The following SCTR variants were observed in gnomAD, a reference collection of about 807,000 sequenced individuals.
The protein encoded by SCTR is pancreatic secretin receptor.
In SCTR, 56 loss-of-function variants were observed where a neutral mutation model predicts 60.8. The ratio of observed to expected loss-of-function variants is 0.92; its 90% CI spans 0.74 to 1.15. The LOEUF is 1.15. SCTR is among the 50% of genes most tolerant of loss of function. SCTR has a pLI of 0.00. For synonymous variants in SCTR, 202 were observed against 217.0 expected (o/e 0.93, Z 0.61); for missense variants, 562 against 550.4 (o/e 1.02, Z -0.21).
intron 1 of SCTR, among the ~76,000 whole-genome samples, chr2:119,523,429 T>C (rs926996123): frequency 2.7e-5 from 4 of 147,282 alleles, no homozygotes; most frequent in East Asian, 2.0e-4. Context: ...TTATTATTAT[T>C]ATTATTATTA....
In SCTR at chr2:119,448,746, A is replaced by G. The variant is rs369727369; in HGVS notation, c.956T>C (p.Ile319Thr). Reference protein sequence around the residue: ...NFILFINILRILMRKLRTQET... With the variant: ...NFILFINILRTLMRKLRTQET... ...TTGGGTTCTAAGTTTTCTCATCAGG[A>G]TTCTTAGAATGTTTATGAAAAGGAT... Residue 319 changes from isoleucine (I) to threonine (T), a missense_variant, in exon 10 of 13, where the codon ATC (isoleucine) becomes ACC (threonine). Transcript: ENST00000019103. 5.6e-6 allele frequency: 9 copies of G among 1,601,796 alleles called. No homozygotes were observed. Among genetic ancestry groups the G allele is most frequent in the Non-Finnish European group, 7.7e-6 (9 of 1,168,964 alleles).
intron 7 of SCTR, among the ~76,000 whole-genome samples, chr2:119,455,749 A>T (rs547668467): frequency 2.0e-4 from 30 of 152,358 alleles, no homozygotes; most frequent in Admixed American, 1.8e-3. Context: ...ACAACATTAG[A>T]CTAAAGGGAG....
In SCTR at chr2:119,523,404, T is replaced by C. The variant is rs866662304; in HGVS notation, c.72+751A>G. On this transcript the variant is annotated intron_variant, in intron 1 of 12. Coordinates refer to ENST00000019103, the MANE Select transcript of SCTR (RefSeq NM_002980.3). ...ACCCATCCTGCCGCTATTATTATTA[T>C]TATTATTATTATTATTATTATTATT... 4.9e-3 allele frequency among the ~76,000 whole-genome samples: 706 copies of C among 143,960 alleles called. 3 individuals carry two copies. Among genetic ancestry groups the C allele is most frequent in the African/African-American group, 0.017 (655 of 39,354 alleles). The allele number at this position is 143,960 out of a possible 152,430, so 94.4% of individuals were successfully genotyped here. A position where few individuals can be genotyped will look rare whatever the true frequency, so the allele number is the denominator to read the frequency against.
At chr2:119,512,736 T>C (rs1370616720) in intron 1 of SCTR, among the ~76,000 whole-genome samples, 1 of 152,232 alleles carries the variant, frequency 6.6e-6, no homozygotes, top group Non-Finnish European at 1.5e-5. Flanking sequence ...TGACATTATC[T>C]GTAGAGTTTT....
chr2:119,520,928 C>T lies in SCTR; in HGVS notation c.72+3227G>A, dbSNP rs149564609. Among the ~76,000 whole-genome samples, 6 of 152,304 alleles carry T rather than the reference C, an allele frequency of 3.9e-5. No homozygotes were observed. In the East Asian group the frequency reaches 9.7e-4, roughly 25 times the overall value. ...TAAGGCAACGGTTCTCAAGCAGGGG[C>T]GATTTTGCCCTTCCTACCCCCAGAA... On this transcript the variant is annotated intron_variant, in intron 1 of 12. Coordinates refer to ENST00000019103, the MANE Select transcript of SCTR (RefSeq NM_002980.3).
At chr2:119,497,721 G>A (rs886334122) in intron 1 of SCTR, among the ~76,000 whole-genome samples, 2 of 152,078 alleles carry the variant, frequency 1.3e-5, no homozygotes, top group African/African-American at 4.8e-5. Context: ...AACAAAATAA[G>A]CTCCGTGGAT....
intron 7 of SCTR, among the ~76,000 whole-genome samples, chr2:119,459,680 C>T (rs1348840176): frequency 1.3e-5 from 2 of 152,038 alleles, no homozygotes; most frequent in Non-Finnish European, 2.9e-5. Context: ...GGCTGGCGTA[C>T]AGTAGATGCT....
At chr2:119,510,858 C>A (rs1179794719) in intron 1 of SCTR, among the ~76,000 whole-genome samples, 1 of 151,990 alleles carries the variant, frequency 6.6e-6, no homozygotes, top group Non-Finnish European at 1.5e-5. Context: ...CAACCATTTT[C>A]AACTCCTTTT....
chr2:119,517,938 G>A (rs1412518220), intron 1 of SCTR, among the ~76,000 whole-genome samples: 1 of 152,154 alleles, frequency 6.6e-6, no homozygotes, highest in African/African-American at 2.4e-5. Context: ...GGTAATTAAG[G>A]TTAAACAGCA....
chr2:119,441,608 A>G lies in SCTR; in HGVS notation c.1141-9T>C, dbSNP rs1272041949. The G allele has an allele frequency of 2.5e-6, 4 of 1,612,656 alleles. No homozygotes were observed. The highest frequency in any genetic ancestry group is 3.4e-6 in the Non-Finnish European group (4 of 1,179,396). ...ACGGCCACCACCAGTCCCTGCCAGA[A>G]GAAGAGAGGTAGCAGGGTTAGCACA... On this transcript the variant is annotated splice_polypyrimidine_tract_variant and intron_variant, in intron 11 of 12. Transcript: ENST00000019103.
intron 1 of SCTR, among the ~76,000 whole-genome samples, chr2:119,508,802 A>G (rs772193025): frequency 2.6e-5 from 4 of 152,222 alleles, no homozygotes; most frequent in Admixed American, 6.5e-5. Context: ...TAACATAGGC[A>G]TTATTTCACT....
intron 1 of SCTR, among the ~76,000 whole-genome samples, chr2:119,496,672 A>G (rs1678359021): frequency 6.6e-6 from 1 of 152,164 alleles, no homozygotes; most frequent in South Asian, 2.1e-4. Context: ...AGATGTTGGC[A>G]ATAAGGAAGC....
At chr2:119,498,074 C>A (rs1279069688) in intron 1 of SCTR, among the ~76,000 whole-genome samples, 1 of 152,050 alleles carries the variant, frequency 6.6e-6, no homozygotes, top group Non-Finnish European at 1.5e-5. Flanking sequence ...AAAGTCCACA[C>A]CAAGGCACAT....
At chr2:119,447,551 T>C (rs74360352) in intron 10 of SCTR, among the ~76,000 whole-genome samples, 222 of 152,270 alleles carry the variant, frequency 1.5e-3, no homozygotes, top group Non-Finnish European at 2.3e-3. Context: ...TGGGGGACAC[T>C]AATTTGTCCT....
chr2:119,503,063 G>A (rs1164563265), intron 1 of SCTR, among the ~76,000 whole-genome samples: 1 of 150,548 alleles, frequency 6.6e-6, no homozygotes, highest in Non-Finnish European at 1.5e-5. Flanking sequence ...GGAGGTTGAG[G>A]CGGGAGAATG....
intron 2 of SCTR, among the ~76,000 whole-genome samples, chr2:119,483,221 G>A (rs975005937): frequency 7.2e-5 from 11 of 152,242 alleles, no homozygotes; most frequent in Admixed American, 5.2e-4. Flanking sequence ...TGCCAGGCCT[G>A]TGCTGGATGC....
Position 119,446,673 on chromosome 2 carries a change from G to T in SCTR, c.1140+86C>A, listed in dbSNP as rs1323933759. The T allele has an allele frequency of 4.0e-6, 5 of 1,263,602 alleles. No homozygotes were observed. In the Admixed American group the frequency reaches 1.5e-4, roughly 37 times the overall value. The allele number at this position is 1,263,602 out of a possible 1,614,324, so 78.3% of individuals were successfully genotyped here. ...GGGTCTCTGCCAGATAAGGCATCTG[G>T]CTCGCAGTCTCTATGCCCTCCACTT... On this transcript the variant is annotated intron_variant, in intron 11 of 12. Coordinates refer to ENST00000019103, the MANE Select transcript of SCTR (RefSeq NM_002980.3).
intron 2 of SCTR, among the ~76,000 whole-genome samples, chr2:119,490,511 C>T (rs555018687): frequency 6.6e-6 from 1 of 152,322 alleles, no homozygotes; most frequent in African/African-American, 2.4e-5. Flanking sequence ...TGAAGTCTCA[C>T]CTCTACACGT....
chr2:119,486,742 C>T lies in SCTR; in HGVS notation c.193+7686G>A, dbSNP rs183403594. 233 of 152,230 alleles carry T rather than the reference C, an allele frequency of 1.5e-3. 1 individual carries two copies. Among genetic ancestry groups the T allele is most frequent in the African/African-American group, 5.4e-3 (225 of 41,542 alleles). The allele number at this position is 152,230 out of a possible 1,614,324, so 9.4% of individuals were successfully genotyped here. On this transcript the variant is annotated intron_variant, in intron 2 of 12. Coordinates refer to ENST00000019103, the MANE Select transcript of SCTR (RefSeq NM_002980.3). ...ATGGGAGTAATAATAGTGCTTATTG[C>T]ACAGTTGTTTTAAGAACTAAAAATT... is the stretch of plus-strand genomic sequence containing the variant.
Sources: allele counts gnomAD v4.1 joint callset (sites outside exome capture counted in the v4.1 genomes callset), GRCh38; gene constraint gnomAD v4.1.1; transcripts MANE v1.5; gene names NCBI Gene and HGNC (gene_info 2026-07-23, HGNC 2026-07-21).